Variants in PLD5 observed in about 807,000 individuals in gnomAD.
PLD5 encodes inactive phospholipase D5.
Under a neutral mutation model 61.1 loss-of-function variants are expected in PLD5, and 36 were observed. The ratio of observed to expected loss-of-function variants is 0.59; its 90% CI spans 0.45 to 0.78. The LOEUF (loss-of-function observed/expected upper bound fraction) is 0.78. Among genes scored for constraint, PLD5 ranks in the 30% least tolerant of loss-of-function variants. The pLI is 0.00. For missense variants in PLD5, 515 were observed against 644.4 expected, an observed-to-expected ratio of 0.80 and a Z score of 2.17; for synonymous variants, 243 against 242.8, an observed-to-expected ratio of 1.00 and a Z score of -0.01.
At chr1:242,484,741 G>A (rs1218542305) in intron 1 of PLD5, among the ~76,000 whole-genome samples, 2 of 152,100 alleles carry the variant, frequency 1.3e-5, no homozygotes, top group African/African-American at 2.4e-5. Flanking sequence ...CCAAAGCCTG[G>A]CAGAGACACA....
rs181162784 is a variant in PLD5 at position 242,338,966 on chromosome 1, T to C, written c.326+9140A>G. Among the ~76,000 whole-genome samples, 16 of 152,330 alleles carry C rather than the reference T, an allele frequency of 1.1e-4. No individual in the cohort carries two copies. The East Asian group carries it at 2.5e-3, about 24-fold the overall frequency. ...TTCAATGCTAGTTAGAAAAAAAGTATAGCATCAGACTATTCTATTTATTTT... is the reference window on the plus strand; with the variant it reads ...TTCAATGCTAGTTAGAAAAAAAGTACAGCATCAGACTATTCTATTTATTTT... On this transcript the variant is annotated intron_variant, in intron 2 of 9. Transcript: ENST00000536534.
At chr1:242,211,600 C>G (rs935241598) in intron 5 of PLD5, among the ~76,000 whole-genome samples, 1 of 152,186 alleles carries the variant, frequency 6.6e-6, no homozygotes, top group Non-Finnish European at 1.5e-5. Context: ...CCTGCTCTTT[C>G]ACTGAGTATC....
chr1:242,226,881 G>C (rs186407573), intron 4 of PLD5, among the ~76,000 whole-genome samples: 1 of 151,834 alleles, frequency 6.6e-6, no homozygotes, highest in Non-Finnish European at 1.5e-5. Context: ...GTATTTCAAT[G>C]GAAATAATTC....
intron 1 of PLD5, among the ~76,000 whole-genome samples, chr1:242,354,909 T>C (rs895303722): frequency 2.6e-5 from 4 of 152,144 alleles, no homozygotes; most frequent in African/African-American, 9.7e-5. Flanking sequence ...TTTCTGTCAA[T>C]GTGGTGTATC....
At chr1:242,376,309 A>G (rs977976495) in intron 1 of PLD5, among the ~76,000 whole-genome samples, 3 of 152,170 alleles carry the variant, frequency 2.0e-5, no homozygotes, top group Non-Finnish European at 4.4e-5. Flanking sequence ...AGACTGCTTT[A>G]AACACCCTTC....
Position 242,345,752 on chromosome 1 carries a change from G to C in PLD5, c.326+2354C>G. ...ATTCAAATGAGAATAATCCAGAAAA[G>C]GTGGTGAAACAACAGGTTGGAAACT... On this transcript the variant is annotated intron_variant, in intron 2 of 9. Transcript: ENST00000536534. 3 of 623,200 alleles carry C rather than the reference G, an allele frequency of 4.8e-6. 1 individual carries two copies. The South Asian group carries it at 5.3e-5, about 11-fold the overall frequency. 38.6% of individuals were successfully genotyped at this position (623,200 alleles called of 1,614,324 possible). A position where few individuals can be genotyped will look rare whatever the true frequency, so the allele number is the denominator to read the frequency against.
intron 1 of PLD5, among the ~76,000 whole-genome samples, chr1:242,513,349 T>C (rs10803050): frequency 0.68 from 103,138 of 152,076 alleles, 36,455 homozygotes; most frequent in African/African-American, 0.87. Flanking sequence ...AGGCATCTAC[T>C]AGGCACTGTG....
chr1:242,377,147 C>G (rs1320844400), intron 1 of PLD5: 1 of 1,611,576 alleles, frequency 6.2e-7, no homozygotes, highest in East Asian at 2.2e-5. Flanking sequence ...GTTCCTTTAA[C>G]TTGTGTACGA....
At chr1:242,337,547 C>T (rs1335449700) in intron 2 of PLD5, among the ~76,000 whole-genome samples, 1 of 152,158 alleles carries the variant, frequency 6.6e-6, no homozygotes, top group African/African-American at 2.4e-5. Flanking sequence ...CGAAGAATTG[C>T]TTGAACCTGG....
chr1:242,516,858 G>A (rs1558163720), intron 1 of PLD5, among the ~76,000 whole-genome samples: 1 of 152,110 alleles, frequency 6.6e-6, no homozygotes, highest in Admixed American at 6.5e-5. Context: ...ACACAAACTT[G>A]TTGACATTTT....
intron 7 of PLD5, among the ~76,000 whole-genome samples, chr1:242,112,350 T>TATATATATATATATATATATAA (rs1661595567): frequency 6.6e-6 from 1 of 150,440 alleles, no homozygotes; most frequent in Non-Finnish European, 1.5e-5. Context: ...TATATATATA[T>TATATATATATATATATATATAA]ATAGATGGAG....
At chr1:242,335,104 C>A (rs951478131) in intron 2 of PLD5, among the ~76,000 whole-genome samples, 4 of 151,684 alleles carry the variant, frequency 2.6e-5, no homozygotes, top group Non-Finnish European at 5.9e-5. Flanking sequence ...TGAAATAAAC[C>A]TTTTTCTCCT....
chr1:242,416,515 CAG>C (rs1362469342), intron 1 of PLD5, among the ~76,000 whole-genome samples: 53 of 152,182 alleles, frequency 3.5e-4, no homozygotes, highest in African/African-American at 1.2e-3. Context: ...AATCTATAAT[CAG>C]TAGTTTTGGA....
At position 242,524,327 on chromosome 1, in the gene PLD5, G is replaced by A; in HGVS notation, c.-51C>T. ...CGAGCAGCGGACTCGGGACGGGCGC[G>A]CGGGGAGCCGGGCGCGGAGGGCGAG... On this transcript the variant is annotated 5_prime_UTR_variant, in exon 1 of 10. Transcript: ENST00000536534. The A allele has an allele frequency of 3.7e-6, 5 of 1,353,316 alleles. No individual in the cohort carries two copies. In the South Asian group the frequency reaches 9.0e-5, roughly 24 times the overall value. 83.8% of individuals were successfully genotyped at this position (1,353,316 alleles called of 1,614,324 possible). A position where few individuals can be genotyped will look rare whatever the true frequency, so the allele number is the denominator to read the frequency against.
intron 1 of PLD5, among the ~76,000 whole-genome samples, chr1:242,427,300 CA>C (rs1665484467): frequency 6.6e-6 from 1 of 152,152 alleles, no homozygotes; most frequent in African/African-American, 2.4e-5. Flanking sequence ...AAGATATCAA[CA>C]GTAATATTTT....
chr1:242,278,053 T>G lies in PLD5; in HGVS notation c.495+10309A>C, dbSNP rs571688123. 2.0e-5 allele frequency among the ~76,000 whole-genome samples: 3 copies of G among 152,344 alleles called. No homozygotes were observed. The South Asian group carries it at 6.2e-4, about 32-fold the overall frequency. ...TGAGCCTATGTATACAAATTATGCA[T>G]GAAATATCAAACTGTCAAAAACTTT... On this transcript the variant is annotated intron_variant, in intron 3 of 9. Coordinates refer to ENST00000536534, the MANE Select transcript of PLD5 (RefSeq NM_001372062.1).
chr1:242,271,552 T>A (rs1026366931), intron 3 of PLD5, among the ~76,000 whole-genome samples: 1 of 152,126 alleles, frequency 6.6e-6, no homozygotes, highest in African/African-American at 2.4e-5. Context: ...TCTAACCAGC[T>A]GCAAGTACAT....
intron 1 of PLD5, among the ~76,000 whole-genome samples, chr1:242,437,733 G>A (rs1041681833): frequency 1.3e-5 from 2 of 152,126 alleles, no homozygotes; most frequent in Admixed American, 1.3e-4. Context: ...TACTTACTAT[G>A]TGTCAGCTTC....
intron 5 of PLD5, among the ~76,000 whole-genome samples, chr1:242,173,570 A>G (rs1666909145): frequency 3.3e-5 from 5 of 152,204 alleles, no homozygotes; most frequent in Admixed American, 2.0e-4. Context: ...GGAACCAAAA[A>G]AGAGCCTGCA....
Sources: allele counts gnomAD v4.1 joint callset (sites outside exome capture counted in the v4.1 genomes callset), GRCh38; gene constraint gnomAD v4.1.1; transcripts MANE v1.5; gene names NCBI Gene and HGNC (gene_info 2026-07-23, HGNC 2026-07-21).